Variants in EIF4G3 observed in about 807,000 individuals in gnomAD.
EIF4G3 encodes eukaryotic translation initiation factor 4 gamma 3.
EIF4G3 carries 34 observed loss-of-function variants against 186.4 expected under a neutral mutation model. The ratio of observed to expected loss-of-function variants is 0.18; its 90% confidence interval spans 0.14 to 0.24. The LOEUF is 0.24. EIF4G3 is among the 10% of genes least tolerant of loss of function. EIF4G3 has a pLI of 1.00. For missense variants in EIF4G3, 1,536 were observed against 1,948.5 expected (o/e 0.79, Z 3.99); for synonymous variants, 673 against 679.5 (o/e 0.99, Z 0.15).
At chr1:21,032,724 CAT>C (rs1184959143) in intron 4 of EIF4G3, among the ~76,000 whole-genome samples, 1 of 151,990 alleles carries the variant, frequency 6.6e-6, no homozygotes, top group Non-Finnish European at 1.5e-5. Flanking sequence ...GATCAGATGT[CAT>C]GTGTAATTTC....
chr1:20,830,965 A>G (rs2064996159), intron 30 of EIF4G3, among the ~76,000 whole-genome samples: 1 of 152,186 alleles, frequency 6.6e-6, no homozygotes, highest in Non-Finnish European at 1.5e-5. Context: ...TCTTTGCACT[A>G]CTACATAGCC....
intron 7 of EIF4G3, among the ~76,000 whole-genome samples, chr1:20,985,476 C>T (rs2079251633): frequency 6.6e-6 from 1 of 150,904 alleles, no homozygotes; most frequent in South Asian, 2.1e-4. Context: ...CACACGTGCA[C>T]CAGAAGAGAT....
In EIF4G3 at chr1:20,877,208, G is replaced by A. The variant is rs1258663044; in HGVS notation, c.2622+2115C>T. Among the ~76,000 whole-genome samples the A allele has an allele frequency of 3.3e-5, 5 of 152,170 alleles. No homozygotes were observed. The East Asian group carries it at 9.6e-4, about 29-fold the overall frequency. ...AAAGAGCATTAAAGTGTGATCCAGAGGATCTGGGATCTAGTCCTAATTTTA... is the reference window on the plus strand; with the variant it reads ...AAAGAGCATTAAAGTGTGATCCAGAAGATCTGGGATCTAGTCCTAATTTTA... On this transcript the variant is annotated intron_variant, in intron 20 of 36. Transcript: ENST00000602326.
chr1:20,941,943 G>A lies in EIF4G3; in HGVS notation c.1211C>T (p.Pro404Leu), dbSNP rs1434811181. 2 of 1,614,072 alleles carry A rather than the reference G, an allele frequency of 1.2e-6. No individual in the cohort carries two copies. The highest frequency in any genetic ancestry group is 2.2e-5 in the East Asian group (1 of 44,888). The change falls in exon 14 of 37, where the codon CCA becomes CTA. Residue 404 changes from proline (P) to leucine (L), a missense_variant. Around this residue, in one of 11 missense-constraint regions of EIF4G3, gnomAD observed 560 missense variants for 547.8 expected, o/e 1.02. Transcript: ENST00000602326. ...KPCSVAPNDI[P>L]LVSSTNLINE... is the part of the protein sequence containing the mutation. ...AATTAGGTTAGTACTAGAAACCAGTGGAATATCATTAGGTGCTACACTACA... is the reference window on the plus strand; with the variant it reads ...AATTAGGTTAGTACTAGAAACCAGTAGAATATCATTAGGTGCTACACTACA...
At chr1:21,143,092 T>A (rs1023963524) in intron 2 of EIF4G3, among the ~76,000 whole-genome samples, 1 of 151,798 alleles carries the variant, frequency 6.6e-6, no homozygotes, top group East Asian at 1.9e-4. Flanking sequence ...CTACTAAAAA[T>A]ACAAAAATTA....
chr1:21,024,428 G>A (rs1304227474), intron 4 of EIF4G3, among the ~76,000 whole-genome samples: 1 of 152,226 alleles, frequency 6.6e-6, no homozygotes, highest in Non-Finnish European at 1.5e-5. Context: ...GGATGACAAT[G>A]GCGGCTTTGT....
chr1:20,849,912 C>A (rs1169209897), intron 28 of EIF4G3, among the ~76,000 whole-genome samples: 1 of 152,140 alleles, frequency 6.6e-6, no homozygotes, highest in Non-Finnish European at 1.5e-5. Context: ...CTTGAACAAA[C>A]CGTGGCTATT....
chr1:20,914,018 C>G (rs1352128549), intron 14 of EIF4G3, among the ~76,000 whole-genome samples: 1 of 151,794 alleles, frequency 6.6e-6, no homozygotes, highest in Non-Finnish European at 1.5e-5. Context: ...CCGTGTTAGC[C>G]AGGATGGTCT....
chr1:21,029,302 G>A (rs1273469215), intron 4 of EIF4G3, among the ~76,000 whole-genome samples: 2 of 152,088 alleles, frequency 1.3e-5, no homozygotes, highest in African/African-American at 4.8e-5. Flanking sequence ...TTACAGGCAT[G>A]AGCCACCATG....
intron 2 of EIF4G3, among the ~76,000 whole-genome samples, chr1:21,140,062 T>C (rs1302931847): frequency 6.6e-6 from 1 of 152,198 alleles, no homozygotes; most frequent in Non-Finnish European, 1.5e-5. Context: ...AGCAAGCATT[T>C]CCCACATTCT....
At chr1:21,021,501 C>T (rs1162831266) in intron 4 of EIF4G3, among the ~76,000 whole-genome samples, 1 of 152,126 alleles carries the variant, frequency 6.6e-6, no homozygotes, top group Admixed American at 6.6e-5. Context: ...AAGCATGTAA[C>T]AGGTATACAG....
chr1:20,817,363 T>TA lies in EIF4G3; in HGVS notation c.4515+28dup, dbSNP rs774062826. The stretch of plus-strand genomic sequence containing the variant: ...CCCACAAGAATCTTTCCTGTAGAGG[T>TA]ATCAGGGAAGGTGACATAGTCTTTA... On this transcript the variant is annotated intron_variant, in intron 34 of 36. Coordinates refer to ENST00000602326, the MANE Select transcript of EIF4G3 (RefSeq NM_001391906.1). The TA allele has an allele frequency of 2.1e-5, 30 of 1,455,560 alleles. No individual in the cohort carries two copies. In the Admixed American group the frequency reaches 4.8e-4, roughly 23 times the overall value. The allele number at this position is 1,455,560 out of a possible 1,614,324, so 90.2% of individuals were successfully genotyped here.
intron 2 of EIF4G3, among the ~76,000 whole-genome samples, chr1:21,099,342 G>A (rs2096463919): frequency 6.6e-6 from 1 of 152,108 alleles, no homozygotes. Flanking sequence ...CATTCATAAT[G>A]GCCAAAAACA....
At chr1:21,080,586 C>T (rs765125182) in intron 3 of EIF4G3, among the ~76,000 whole-genome samples, 35 of 152,192 alleles carry the variant, frequency 2.3e-4, no homozygotes, top group Admixed American at 3.3e-4. Context: ...CTCAGCTCAC[C>T]GCAACCTCTG....
chr1:21,133,514 C>G (rs970537305), intron 2 of EIF4G3, among the ~76,000 whole-genome samples: 1 of 152,222 alleles, frequency 6.6e-6, no homozygotes, highest in Non-Finnish European at 1.5e-5. Flanking sequence ...CATGAGCCAC[C>G]GCGCCCAGCC....
At chr1:20,874,241 T>C (rs1379086964) in intron 20 of EIF4G3, among the ~76,000 whole-genome samples, 47 of 152,196 alleles carry the variant, frequency 3.1e-4, no homozygotes, top group Admixed American at 3.1e-3. Context: ...GTACTTCTGG[T>C]TCTAGATCCT....
In EIF4G3 at chr1:20,829,138, A is replaced by G. The variant is rs376978735; in HGVS notation, c.4187+9T>C. 5.0e-6 allele frequency: 8 copies of G among 1,612,884 alleles called. No homozygotes were observed. Among genetic ancestry groups the G allele is most frequent in the Non-Finnish European group, 5.9e-6 (7 of 1,179,546 alleles). On this transcript the variant is annotated intron_variant, in intron 31 of 36. Transcript: ENST00000602326. The stretch of plus-strand genomic sequence containing the variant: ...CTGATATATATCAAGAGAAACAAGT[A>G]TAACTTACATGGTAAGTTCTCTCAT...
chr1:21,038,933 A>G (rs2093402479), intron 4 of EIF4G3, among the ~76,000 whole-genome samples: 1 of 152,198 alleles, frequency 6.6e-6, no homozygotes, highest in African/African-American at 2.4e-5. Context: ...AAATTTTGGG[A>G]AAATAGAAAA....
intron 30 of EIF4G3, among the ~76,000 whole-genome samples, chr1:20,831,190 T>C (rs1248184998): frequency 6.6e-6 from 1 of 152,000 alleles, no homozygotes; most frequent in South Asian, 2.1e-4. Context: ...CCATTTCAAC[T>C]ACAAAAGCTC....
Sources: allele counts gnomAD v4.1 joint callset (sites outside exome capture counted in the v4.1 genomes callset), GRCh38; gene constraint gnomAD v4.1.1; regional missense constraint gnomAD v4.1.1; transcripts MANE v1.5; gene names NCBI Gene and HGNC (gene_info 2026-07-23, HGNC 2026-07-21).